The following SAMD12 variants were observed in gnomAD, a reference collection of about 807,000 sequenced individuals.
SAMD12 encodes the protein sterile alpha motif domain-containing protein 12.
SAMD12 carries 9 observed loss-of-function variants against 15.0 expected under a neutral mutation model. The ratio of observed to expected loss-of-function variants is 0.60; its 90% confidence interval spans 0.36 to 1.05. The LOEUF is 1.05. Among genes scored for constraint, SAMD12 ranks in the 50% least tolerant of loss-of-function variants. The probability of loss-of-function intolerance (pLI) is 0.01; values close to 1 mark genes in which losing one functional copy is unlikely to be tolerated. For synonymous variants in SAMD12, 86 were observed against 90.1 expected, an observed-to-expected ratio of 0.96 and a Z score of 0.25; for missense variants, 230 against 234.2, an observed-to-expected ratio of 0.98 and a Z score of 0.12.
intron 2 of SAMD12, among the ~76,000 whole-genome samples, chr8:118,553,460 G>C (rs1472345385): frequency 6.6e-6 from 1 of 152,154 alleles, no homozygotes; most frequent in Non-Finnish European, 1.5e-5. Context: ...AAATGGTGCT[G>C]GGAAAACTTG....
At chr8:118,216,249 T>C (rs1203190821) in intron 4 of SAMD12, among the ~76,000 whole-genome samples, 1 of 152,014 alleles carries the variant, frequency 6.6e-6, no homozygotes, top group African/African-American at 2.4e-5. Context: ...GTTTTTTGGC[T>C]GTATAAATGT....
chr8:118,191,561 A>G (rs985207935), exon 5 of SAMD12: 3 of 151,126 alleles, frequency 2.0e-5, no homozygotes, highest in African/African-American at 4.9e-5. Context: ...TTTGATGTGA[A>G]AAAGAACTGG....
intron 4 of SAMD12, among the ~76,000 whole-genome samples, chr8:118,330,855 C>T (rs75597913): frequency 1.3e-5 from 2 of 152,154 alleles, no homozygotes; most frequent in African/African-American, 2.4e-5. Context: ...AATTACCTAT[C>T]GGGTACAATG....
intron 4 of SAMD12, among the ~76,000 whole-genome samples, chr8:118,264,866 A>T (rs1813162169): frequency 1.3e-5 from 2 of 152,164 alleles, no homozygotes; most frequent in East Asian, 3.9e-4. Flanking sequence ...AGGTGAATTC[A>T]GCAAGCACCT....
intron 2 of SAMD12, among the ~76,000 whole-genome samples, chr8:118,500,544 G>A (rs969885961): frequency 6.6e-5 from 10 of 151,808 alleles, no homozygotes; most frequent in African/African-American, 2.4e-4. Flanking sequence ...AGTGGCTCAC[G>A]CCTGTAATCC....
At chr8:118,355,006 T>C (rs1287102579) in intron 4 of SAMD12, among the ~76,000 whole-genome samples, 2 of 152,118 alleles carry the variant, frequency 1.3e-5, no homozygotes, top group Non-Finnish European at 2.9e-5. Flanking sequence ...TAAAAGTAGA[T>C]CTACCATTTG....
At chr8:118,259,207 T>C (rs1813022627) in intron 4 of SAMD12, among the ~76,000 whole-genome samples, 1 of 152,150 alleles carries the variant, frequency 6.6e-6, no homozygotes, top group African/African-American at 2.4e-5. Flanking sequence ...CAGCCAGTAC[T>C]CTAGCTTAAC....
intron 4 of SAMD12, among the ~76,000 whole-genome samples, chr8:118,302,558 G>C (rs1020992809): frequency 6.6e-6 from 1 of 152,202 alleles, no homozygotes; most frequent in African/African-American, 2.4e-5. Context: ...TCTAAGAAAA[G>C]AGTCTCCTAC....
intron 4 of SAMD12, among the ~76,000 whole-genome samples, chr8:118,334,224 A>G (rs1816947164): frequency 6.6e-6 from 1 of 152,162 alleles, no homozygotes; most frequent in Admixed American, 6.5e-5. Flanking sequence ...TCAGGCACCA[A>G]TCGGTGAGCT....
At chr8:118,253,431 G>C (rs527747470) in intron 4 of SAMD12, among the ~76,000 whole-genome samples, 29 of 152,282 alleles carry the variant, frequency 1.9e-4, no homozygotes, top group African/African-American at 7.0e-4. Flanking sequence ...ATAATGTTGT[G>C]TGCTATGTAC....
At chr8:118,227,219 C>A (rs759998879) in intron 4 of SAMD12, among the ~76,000 whole-genome samples, 9 of 152,100 alleles carry the variant, frequency 5.9e-5, no homozygotes, top group Non-Finnish European at 1.3e-4. Flanking sequence ...TTTGTGAGAA[C>A]ATAGATGGAG....
chr8:118,366,873 A>AAAT (rs1563799970), intron 4 of SAMD12, among the ~76,000 whole-genome samples: 13 of 126,694 alleles, frequency 1.0e-4, no homozygotes, highest in African/African-American at 1.6e-4. Flanking sequence ...AAATAAAATA[A>AAAT]AATAAAATAA....
chr8:118,169,645 A>C, the SAMD12 span, among the ~76,000 whole-genome samples: 1 of 152,156 alleles, frequency 6.6e-6, no homozygotes, highest in African/African-American at 2.4e-5. Context: ...ACTGACCCCA[A>C]TGTTTCTTTC....
At chr8:118,132,960 A>ATGTGTGTGTG in the SAMD12 span, among the ~76,000 whole-genome samples, 5 of 80,884 alleles carry the variant, frequency 6.2e-5, no homozygotes, top group African/African-American at 2.4e-4. Context: ...TAGCTAACAT[A>ATGTGTGTGTG]TGTGTGTGTG....
At chr8:118,333,525 T>G (rs1816901633) in intron 4 of SAMD12, among the ~76,000 whole-genome samples, 1 of 151,834 alleles carries the variant, frequency 6.6e-6, no homozygotes, top group Non-Finnish European at 1.5e-5. Context: ...CACCCACACC[T>G]ATCTTTTAGA....
intron 3 of SAMD12, among the ~76,000 whole-genome samples, chr8:118,388,186 C>T (rs1289111420): frequency 6.6e-6 from 1 of 152,206 alleles, no homozygotes; most frequent in African/African-American, 2.4e-5. Context: ...TTCTATATGA[C>T]TGTGGTGTGA....
At chr8:118,316,477 A>T (rs1002677984) in intron 4 of SAMD12, among the ~76,000 whole-genome samples, 4 of 151,992 alleles carry the variant, frequency 2.6e-5, no homozygotes, top group Non-Finnish European at 4.4e-5. Flanking sequence ...CGGAGGTCGC[A>T]GTGAGCTGAG....
chr8:118,599,044 A>G (rs1045879515), intron 1 of SAMD12, among the ~76,000 whole-genome samples: 3 of 152,372 alleles, frequency 2.0e-5, no homozygotes, highest in Non-Finnish European at 4.4e-5. Context: ...AGGAGAAAGT[A>G]CTTGGCGATT....
Position 118,205,219 on chromosome 8 carries a change from C to G in SAMD12, c.434-7487G>C, listed in dbSNP as rs535833146. ...TCTCCTGGATCTCCAGTTTGCAAAT[C>G]TTGGGACTTCTCTACCTTCACAATT... On this transcript the variant is annotated intron_variant, in intron 4 of 4. Transcript: ENST00000409003. 5.9e-5 allele frequency among the ~76,000 whole-genome samples: 9 copies of G among 152,354 alleles called. No individual in the cohort carries two copies. In the South Asian group the frequency reaches 1.5e-3, roughly 25 times the overall value.
Sources: gnomAD v4.1 joint callset for allele counts (sites outside exome capture counted in the v4.1 genomes callset) on GRCh38, gnomAD v4.1.1 for gene constraint, MANE v1.5 for transcripts, NCBI Gene and HGNC (gene_info 2026-07-23, HGNC 2026-07-21) for gene names.